The following PDE4D variants were observed in gnomAD, a reference collection of about 807,000 sequenced individuals.
PDE4D encodes phosphodiesterase 4D.
Under a neutral mutation model 87.4 loss-of-function variants are expected in PDE4D, and 24 were observed. The ratio of observed to expected loss-of-function variants is 0.27; its 90% confidence interval spans 0.20 to 0.39. The LOEUF (loss-of-function observed/expected upper bound fraction) is 0.39. Ranked by LOEUF, PDE4D falls within the 10% of genes least tolerant of loss-of-function variation. The pLI is 1.00. For missense variants in PDE4D, 714 were observed against 1,041.0 expected (o/e 0.69, Z 4.32); for synonymous variants, 384 against 383.2 (o/e 1.00, Z -0.02).
In PDE4D at chr5:60,319,415, T is replaced by C. The variant is rs558430415; in HGVS notation, c.-89-133728A>G. Among the ~76,000 whole-genome samples, 5 of 152,332 alleles carry C rather than the reference T, an allele frequency of 3.3e-5. No individual in the cohort carries two copies. In the South Asian group the frequency reaches 1.0e-3, roughly 32 times the overall value. On this transcript the variant is annotated intron_variant, in intron 1 of 16. Coordinates refer to the PDE4D transcript ENST00000502484. ...TCGTTTTTCAAGGTTTTTAACTTCT[T>C]TGCCATGGCTTCGAACTTCCTCCTT... is the stretch of plus-strand genomic sequence containing the variant.
At chr5:59,242,662 A>C (rs1392697413) in intron 1 of PDE4D, among the ~76,000 whole-genome samples, 1 of 152,182 alleles carries the variant, frequency 6.6e-6, no homozygotes, top group Non-Finnish European at 1.5e-5. Flanking sequence ...AACGATAATG[A>C]GTTCACATTT....
chr5:59,075,158 G>C (rs1387635402), intron 5 of PDE4D, among the ~76,000 whole-genome samples: 1 of 150,998 alleles, frequency 6.6e-6, no homozygotes, highest in East Asian at 1.9e-4. Context: ...GGCATGGGAT[G>C]GTAGGAATGC....
chr5:59,595,221 A>G (rs573499243), intron 1 of PDE4D, among the ~76,000 whole-genome samples: 22 of 152,334 alleles, frequency 1.4e-4, no homozygotes, highest in African/African-American at 4.8e-4. Flanking sequence ...AGAATGTTTA[A>G]CACATATTTT....
chr5:59,755,530 A>G (rs1240634933), intron 1 of PDE4D, among the ~76,000 whole-genome samples: 1 of 152,192 alleles, frequency 6.6e-6, no homozygotes, highest in African/African-American at 2.4e-5. Flanking sequence ...CTTATTAGTA[A>G]GAAGGCTTTA....
At chr5:60,075,889 G>A (rs1347547104) in intron 2 of PDE4D, among the ~76,000 whole-genome samples, 1 of 152,076 alleles carries the variant, frequency 6.6e-6, no homozygotes, top group Non-Finnish European at 1.5e-5. Context: ...TATACTGAGT[G>A]TTTTGTTTGT....
chr5:59,356,900 G>A lies in PDE4D; in HGVS notation c.456-140932C>T, dbSNP rs555189757. 7.2e-5 allele frequency: 106 copies of A among 1,477,444 alleles called. No individual in the cohort carries two copies. The African/African-American group carries it at 8.6e-4, about 12-fold the overall frequency. The allele number at this position is 1,477,444 out of a possible 1,614,324, so 91.5% of individuals were successfully genotyped here. ...AACCACGAGAAGTCAGAGCTGGTGC[G>A]GGGCTCTGGGGCCCTGAGGCCCCGC... On this transcript the variant is annotated intron_variant, in intron 1 of 14. Coordinates refer to ENST00000340635, the MANE Select transcript of PDE4D (RefSeq NM_001104631.2).
At chr5:60,424,327 A>G (rs1469106706) in intron 1 of PDE4D, among the ~76,000 whole-genome samples, 1 of 152,252 alleles carries the variant, frequency 6.6e-6, no homozygotes, top group Non-Finnish European at 1.5e-5. Flanking sequence ...CAAAAAGTTT[A>G]TCTGCCACAA....
At chr5:59,819,789 G>A (rs1158768923) in intron 1 of PDE4D, among the ~76,000 whole-genome samples, 1 of 152,188 alleles carries the variant, frequency 6.6e-6, no homozygotes, top group Non-Finnish European at 1.5e-5. Flanking sequence ...TTAAGTGGGA[G>A]AGGAGGTGGT....
At chr5:59,482,091 C>T (rs1206608763) in intron 1 of PDE4D, among the ~76,000 whole-genome samples, 2 of 152,014 alleles carry the variant, frequency 1.3e-5, no homozygotes, top group South Asian at 2.1e-4. Flanking sequence ...TAAGTACCTG[C>T]CTTAGACCTA....
At chr5:59,823,396 T>C (rs1247816583) in intron 1 of PDE4D, among the ~76,000 whole-genome samples, 3 of 152,134 alleles carry the variant, frequency 2.0e-5, no homozygotes, top group Admixed American at 6.5e-5. Flanking sequence ...TTTTAGTTTA[T>C]CTCCAACTGC....
At chr5:59,486,042 C>T (rs1231365458) in intron 1 of PDE4D, among the ~76,000 whole-genome samples, 2 of 151,986 alleles carry the variant, frequency 1.3e-5, no homozygotes, top group Non-Finnish European at 2.9e-5. Flanking sequence ...GAATGATCAA[C>T]TCCTTCTGAT....
At chr5:60,444,330 C>T (rs1745470679) in intron 1 of PDE4D, among the ~76,000 whole-genome samples, 1 of 152,092 alleles carries the variant, frequency 6.6e-6, no homozygotes, top group African/African-American at 2.4e-5. Flanking sequence ...TCCTGCCATA[C>T]ATTCATTGTT....
At chr5:59,486,852 T>C (rs1562270200) in intron 1 of PDE4D, among the ~76,000 whole-genome samples, 1 of 152,224 alleles carries the variant, frequency 6.6e-6, no homozygotes, top group Non-Finnish European at 1.5e-5. Flanking sequence ...ATTAAGCATT[T>C]ATTGTAGGTC....
chr5:59,751,456 C>T (rs952384598), intron 1 of PDE4D, among the ~76,000 whole-genome samples: 1 of 152,100 alleles, frequency 6.6e-6, no homozygotes, highest in Non-Finnish European at 1.5e-5. Flanking sequence ...AGTGCACATA[C>T]TTGTGGCTTA....
intron 1 of PDE4D, among the ~76,000 whole-genome samples, chr5:59,657,254 T>C (rs1044995109): frequency 6.6e-6 from 1 of 152,252 alleles, no homozygotes; most frequent in African/African-American, 2.4e-5. Context: ...AATTCTTTGC[T>C]ATTTTAATTG....
At chr5:60,050,208 T>G (rs1769940395) in intron 2 of PDE4D, among the ~76,000 whole-genome samples, 1 of 152,130 alleles carries the variant, frequency 6.6e-6, no homozygotes, top group South Asian at 2.1e-4. Context: ...AGGCAATGCC[T>G]CACCCTGCTT....
chr5:59,809,217 G>A (rs946939882), intron 1 of PDE4D, among the ~76,000 whole-genome samples: 19 of 152,122 alleles, frequency 1.2e-4, no homozygotes, highest in Admixed American at 1.2e-3. Flanking sequence ...ATTAAATACT[G>A]TCAATGTGAT....
chr5:60,327,360 G>T lies in PDE4D; in HGVS notation c.-89-141673C>A, dbSNP rs112665436. 6.6e-5 allele frequency among the ~76,000 whole-genome samples: 10 copies of T among 152,208 alleles called. 1 individual carries two copies. The highest frequency in any genetic ancestry group is 1.9e-4 in the African/African-American group (8 of 41,570). ...AGGATTCTTCTGGCTATGACTCCTT[G>T]TCAAAGAATGTTTCTTTTCTCTTGG... is the stretch of plus-strand genomic sequence containing the variant. On this transcript the variant is annotated intron_variant, in intron 1 of 16. Coordinates refer to the PDE4D transcript ENST00000502484.
chr5:60,047,941 C>T (rs966413347), intron 2 of PDE4D, among the ~76,000 whole-genome samples: 2 of 152,066 alleles, frequency 1.3e-5, no homozygotes, highest in African/African-American at 2.4e-5. Context: ...TGTCTCGTTG[C>T]TCTGTCTAAT....
Sources: gnomAD v4.1 joint callset for allele counts (sites outside exome capture counted in the v4.1 genomes callset) on GRCh38, gnomAD v4.1.1 for gene constraint, MANE v1.5 for transcripts, NCBI Gene and HGNC (gene_info 2026-07-23, HGNC 2026-07-21) for gene names.